The following FLT1 variants were observed in gnomAD, a reference collection of about 807,000 sequenced individuals.
FLT1 encodes fms related receptor tyrosine kinase 1, also known as vascular endothelial growth factor receptor 1.
FLT1 carries 49 observed loss-of-function variants against 156.3 expected under a neutral mutation model. That is an observed-to-expected ratio of 0.31 (90% CI 0.25 to 0.40). The LOEUF (loss-of-function observed/expected upper bound fraction) is 0.40. Among genes scored for constraint, FLT1 ranks in the 10% least tolerant of loss-of-function variants. The probability of loss-of-function intolerance (pLI) is 1.00; values close to 1 mark genes in which losing one functional copy is unlikely to be tolerated. For missense variants in FLT1, 1,322 were observed against 1,637.2 expected (o/e 0.81, Z 3.32); for synonymous variants, 594 against 583.8 (o/e 1.02, Z -0.25).
chr13:28,357,951 T>G (rs924653168), intron 14 of FLT1, among the ~76,000 whole-genome samples: 1 of 144,382 alleles, frequency 6.9e-6, no homozygotes, highest in African/African-American at 2.5e-5. Flanking sequence ...GCTTCGGAGA[T>G]GCAAATCCAC....
intron 14 of FLT1, among the ~76,000 whole-genome samples, chr13:28,363,036 T>G (rs927719995): frequency 6.6e-6 from 1 of 152,140 alleles, no homozygotes; most frequent in Non-Finnish European, 1.5e-5. Context: ...ATAAGCATGT[T>G]ATTACCCCTA....
intron 15 of FLT1, among the ~76,000 whole-genome samples, chr13:28,346,632 C>T (rs1872577855): frequency 6.6e-6 from 1 of 151,962 alleles, no homozygotes; most frequent in Non-Finnish European, 1.5e-5. Context: ...ATCACTTGAG[C>T]CCAGGCGTTC....
At chr13:28,392,774 C>G (rs1285536564) in intron 12 of FLT1, among the ~76,000 whole-genome samples, 1 of 152,152 alleles carries the variant, frequency 6.6e-6, no homozygotes, top group Non-Finnish European at 1.5e-5. Flanking sequence ...TGCTGAGTGC[C>G]AGCAAAACAG....
chr13:28,427,155 C>T lies in FLT1; in HGVS notation c.1436+4G>A, dbSNP rs1208730709. 5 of 1,613,776 alleles carry T rather than the reference C, an allele frequency of 3.1e-6. No individual in the cohort carries two copies. Among genetic ancestry groups the T allele is most frequent in the Admixed American group, 1.7e-5 (1 of 60,020 alleles). The stretch of plus-strand genomic sequence containing the variant: ...AAGTTAGTAAAAAAACTGACTGTCC[C>T]TACCTTGCTTCGGAATGATTATGGT... On this transcript the variant is annotated splice_donor_region_variant and intron_variant, in intron 10 of 29. Transcript: ENST00000282397.
At chr13:28,396,667 G>T (rs189203756) in intron 12 of FLT1, 154 of 499,752 alleles carry the variant, frequency 3.1e-4, no homozygotes, top group African/African-American at 2.9e-3. Flanking sequence ...CAGACCCTGT[G>T]CTAGGTACTG....
At chr13:28,348,629 GC>G (rs1218834847) in intron 15 of FLT1, among the ~76,000 whole-genome samples, 1 of 151,944 alleles carries the variant, frequency 6.6e-6, no homozygotes, top group Non-Finnish European at 1.5e-5. Flanking sequence ...GAGTTTAGGG[GC>G]CGGGCGCGGT....
chr13:28,316,900 C>T (rs2138821567), intron 25 of FLT1, among the ~76,000 whole-genome samples: 1 of 152,238 alleles, frequency 6.6e-6, no homozygotes, highest in South Asian at 2.1e-4. Context: ...TGGGATTACA[C>T]ATGTGAGCCA....
chr13:28,388,171 T>C, intron 13 of FLT1: 1 of 1,057,896 alleles, frequency 9.5e-7, no homozygotes. Flanking sequence ...ATACAATTGA[T>C]TTTTCTTTCC....
intron 13 of FLT1, chr13:28,389,225 G>A: frequency 9.0e-7 from 1 of 1,111,038 alleles, no homozygotes; most frequent in Non-Finnish European, 1.1e-6. Context: ...AAGAGCAGAT[G>A]AAATAGTCCC....
chr13:28,446,113 G>A (rs779163902), intron 3 of FLT1, among the ~76,000 whole-genome samples: 22 of 152,214 alleles, frequency 1.4e-4, no homozygotes, highest in African/African-American at 4.6e-4. Flanking sequence ...AGCTCCTTTC[G>A]TGATGAAAAC....
chr13:28,344,607 A>T (rs567403186), intron 16 of FLT1, among the ~76,000 whole-genome samples: 3 of 152,066 alleles, frequency 2.0e-5, no homozygotes, highest in Non-Finnish European at 4.4e-5. Context: ...CTCTTTTCCC[A>T]CTGGATTTCA....
At chr13:28,481,659 T>C (rs1411498125) in intron 1 of FLT1, among the ~76,000 whole-genome samples, 1 of 152,242 alleles carries the variant, frequency 6.6e-6, no homozygotes, top group Non-Finnish European at 1.5e-5. Context: ...GAAACATTTC[T>C]TCCTCTTGAA....
intron 6 of FLT1, among the ~76,000 whole-genome samples, chr13:28,433,286 T>C (rs528606786): frequency 6.6e-6 from 1 of 152,358 alleles, no homozygotes; most frequent in South Asian, 2.1e-4. Flanking sequence ...GGCTTCATTC[T>C]TCTCATTTTT....
Position 28,427,774 on chromosome 13 carries a change from G to C in FLT1, c.1254C>G (p.Leu418=), listed in dbSNP as rs767736901. The C allele has an allele frequency of 1.2e-6, 2 of 1,613,826 alleles. No individual in the cohort carries two copies. The highest frequency in any genetic ancestry group is 1.7e-6 in the Non-Finnish European group (2 of 1,179,866). The change falls in exon 9 of 30, where the codon CTC becomes CTG. Residue 418 remains leucine (L), a synonymous_variant. Transcript: ENST00000282397. The part of the protein sequence containing the change: ...SIKQSNVFKN[L]TATLIVNVKP... ...TACCATTGACAATTAGAGTGGCAGTGAGGTTTTTAAACACATTTGACTGTT... is the reference window on the plus strand; with the variant it reads ...TACCATTGACAATTAGAGTGGCAGTCAGGTTTTTAAACACATTTGACTGTT...
intron 28 of FLT1, chr13:28,308,472 G>T (rs990180959): frequency 3.0e-6 from 1 of 328,498 alleles, no homozygotes; most frequent in Non-Finnish European, 5.9e-6. Flanking sequence ...AAGGCTGCTT[G>T]CAGGAACGCG....
intron 1 of FLT1, 53 bp downstream of exon 1, chr13:28,494,727 C>A: frequency 6.9e-7 from 1 of 1,441,922 alleles, no homozygotes; most frequent in Non-Finnish European, 9.4e-7. Flanking sequence ...GCTCTGCCCT[C>A]CGGCCGCCCC....
intron 28 of FLT1, chr13:28,308,512 C>T: frequency 2.7e-6 from 1 of 373,900 alleles, no homozygotes; most frequent in South Asian, 2.3e-5. Context: ...GCCCATCACC[C>T]ACACAGCTGG....
At chr13:28,431,904 CTA>C (rs11467641) in intron 6 of FLT1, among the ~76,000 whole-genome samples, 51,113 of 151,748 alleles carry the variant, frequency 0.34, 8,859 homozygotes, top group East Asian at 0.48. Flanking sequence ...TGGAATAATG[CTA>C]TAGTTTCATT....
chr13:28,370,976 T>C (rs1426645030), intron 14 of FLT1, among the ~76,000 whole-genome samples: 1 of 152,198 alleles, frequency 6.6e-6, no homozygotes, highest in African/African-American at 2.4e-5. Flanking sequence ...AAAGTGTTTT[T>C]CTCTCAATAG....
Sources: allele counts gnomAD v4.1 joint callset (sites outside exome capture counted in the v4.1 genomes callset), GRCh38; gene constraint gnomAD v4.1.1; transcripts MANE v1.5; gene names NCBI Gene and HGNC (gene_info 2026-07-23, HGNC 2026-07-21).